Variants in COX8A observed in about 807,000 individuals in gnomAD.
COX8A encodes the protein cytochrome c oxidase subunit 8A.
Under a neutral mutation model 4.4 loss-of-function variants are expected in COX8A, and 6 were observed. That is an observed-to-expected ratio of 1.36 (90% confidence interval 0.74 to 2.68). The LOEUF (loss-of-function observed/expected upper bound fraction) is 2.68. Among genes scored for constraint, COX8A ranks in the 30% most tolerant of loss-of-function variants. The probability of loss-of-function intolerance (pLI) is 0.00; values close to 1 mark genes in which losing one functional copy is unlikely to be tolerated. For missense variants in COX8A, 72 were observed against 89.6 expected (o/e 0.80, Z 0.79); for synonymous variants, 53 against 47.1 (o/e 1.12, Z -0.51).
intron 1 of COX8A, among the ~76,000 whole-genome samples, 156 bp from the exon 2 acceptor site, chr11:63,976,069 G>C (rs1942537487): frequency 6.6e-6 from 1 of 152,190 alleles, no homozygotes; most frequent in Non-Finnish European, 1.5e-5. Flanking sequence ...GCTCCGTGGA[G>C]CGTGGATTCC....
Position 63,974,621 on chromosome 11 carries a change from T to G in COX8A, c.-60T>G. The G allele has an allele frequency of 2.0e-6, 3 of 1,502,504 alleles. No homozygotes were observed. The highest frequency in any genetic ancestry group is 2.7e-6 in the Non-Finnish European group (3 of 1,101,464). The allele number at this position is 1,502,504 out of a possible 1,614,324, so 93.1% of individuals were successfully genotyped here. A position where few individuals can be genotyped will look rare whatever the true frequency, so the allele number is the denominator to read the frequency against. On this transcript the variant is annotated 5_prime_UTR_variant, in exon 1 of 2. Coordinates refer to ENST00000314133, the MANE Select transcript of COX8A (RefSeq NM_004074.3). ...CCAGAACTTCCGGCCAGCGCAGCCA[T>G]TTTGGCTTCCTGACCTTGGGCTACG...
At chr11:63,976,086 G>A (rs1565181104) in intron 1 of COX8A, 139 bp from the exon 2 acceptor site, 10 of 765,044 alleles carry the variant, frequency 1.3e-5, no homozygotes, top group East Asian at 1.2e-4. Context: ...TTCCTTTAAC[G>A]TGAGGATGCG....
In COX8A at chr11:63,974,718, C is replaced by T. The variant is rs1942523556; in HGVS notation, c.38C>T (p.Thr13Ile). 1 of 1,609,976 alleles carries T rather than the reference C, an allele frequency of 6.2e-7. No individual in the cohort carries two copies. The highest frequency in any genetic ancestry group is 8.5e-7 in the Non-Finnish European group (1 of 1,178,406). Residue 13 changes from threonine (T) to isoleucine (I), a missense_variant, in exon 1 of 2, where the codon ACA (threonine) becomes ATA (isoleucine). Thr to Ile is a moderately conservative substitution (Grantham distance 89). Transcript: ENST00000314133. Reference protein sequence around the residue: ...VLTPLLLRGLTGSARRLPVPR... With the variant: ...VLTPLLLRGLIGSARRLPVPR... ...ACGCCGCTGCTGCTGCGGGGCTTGA[C>T]AGGCTCGGCCCGGCGGCTCCCAGTG...
At chr11:63,975,983 T>G (rs970245428) in intron 1 of COX8A, among the ~76,000 whole-genome samples, 3 of 152,206 alleles carry the variant, frequency 2.0e-5, no homozygotes, top group Admixed American at 6.5e-5. Context: ...CTGTCTCTCC[T>G]TCCTCTCACT....
In COX8A at chr11:63,976,111, C is replaced by G. The variant is rs1590771889; in HGVS notation, c.115-114C>G. On this transcript the variant is annotated intron_variant, in intron 1 of 1. Coordinates refer to ENST00000314133, the MANE Select transcript of COX8A (RefSeq NM_004074.3). ...GTGAGGATGCGGGGCCTCCCACTTG[C>G]CTCTGAGTCCTGGCTCCCTGAGCGG... 12 of 951,130 alleles carry G rather than the reference C, an allele frequency of 1.3e-5. No individual in the cohort carries two copies. The East Asian group carries it at 2.9e-4, about 23-fold the overall frequency. The allele number at this position is 951,130 out of a possible 1,614,324, so 58.9% of individuals were successfully genotyped here.
At chr11:63,975,424 G>A (rs1942531820) in intron 1 of COX8A, among the ~76,000 whole-genome samples, 1 of 152,046 alleles carries the variant, frequency 6.6e-6, no homozygotes, top group African/African-American at 2.4e-5. Context: ...TGATCCGCCT[G>A]CCTCAACCTC....
chr11:63,974,716 G>C lies in COX8A; in HGVS notation c.36G>C (p.Leu12Phe). 8.7e-6 allele frequency: 14 copies of C among 1,610,058 alleles called. No homozygotes were observed. The highest frequency in any genetic ancestry group is 1.3e-5 in the African/African-American group (1 of 75,016). The change falls in exon 1 of 2, where the codon TTG (leucine) becomes TTC (phenylalanine). Residue 12 changes from leucine (L) to phenylalanine (F), a missense_variant. By Grantham distance (22) the Leu-to-Phe change is conservative (BLOSUM62 0). Coordinates refer to ENST00000314133, the MANE Select transcript of COX8A (RefSeq NM_004074.3). ...SVLTPLLLRG[L>F]TGSARRLPVP... ...TGACGCCGCTGCTGCTGCGGGGCTT[G>C]ACAGGCTCGGCCCGGCGGCTCCCAG...
chr11:63,976,114 C>T, intron 1 of COX8A, 111 bp from the exon 2 acceptor site: 1 of 1,003,826 alleles, frequency 1.0e-6, no homozygotes, highest in Non-Finnish European at 1.6e-6. Context: ...CCACTTGCCT[C>T]TGAGTCCTGG....
rs951789034 is a variant in COX8A at position 63,976,400 on chromosome 11, G to C, written c.*80G>C. The stretch of plus-strand genomic sequence containing the variant: ...TGGTCATGTTACTGCATTTGTGGCC[G>C]GCCTCCCCTGGATCATGTCATTCAA... On this transcript the variant is annotated 3_prime_UTR_variant, in exon 2 of 2. Coordinates refer to ENST00000314133, the MANE Select transcript of COX8A (RefSeq NM_004074.3). 9 of 1,276,074 alleles carry C rather than the reference G, an allele frequency of 7.1e-6. No individual in the cohort carries two copies. The highest frequency in any genetic ancestry group is 5.9e-5 in the African/African-American group (4 of 68,240). The allele number at this position is 1,276,074 out of a possible 1,614,324, so 79.0% of individuals were successfully genotyped here.
chr11:63,976,121 C>A, intron 1 of COX8A, 104 bp from the exon 2 acceptor site: 3 of 1,091,524 alleles, frequency 2.7e-6, no homozygotes, highest in Middle Eastern at 2.0e-4. Flanking sequence ...CCTCTGAGTC[C>A]TGGCTCCCTG....
At chr11:63,975,619 A>G (rs1399701430) in intron 1 of COX8A, among the ~76,000 whole-genome samples, 1 of 151,904 alleles carries the variant, frequency 6.6e-6, no homozygotes, top group East Asian at 1.9e-4. Flanking sequence ...TCTGTCACCC[A>G]GGCTGGAGTG....
Position 63,974,787 on chromosome 11 carries a change from G to A in COX8A, c.107G>A (p.Gly36Glu), listed in dbSNP as rs148768920. ...IHSLPPEGKL[G>E]IMELAVGLTS... ...TCGTTGCCGCCGGAGGGGAAGCTTG[G>A]GATCATGGTGAGGAACGGGCCTGGA... Residue 36 changes from glycine (G) to glutamate (E), a missense_variant, in exon 1 of 2, where the codon GGG (glycine) becomes GAG (glutamate). By Grantham distance (98) the Gly-to-Glu change is moderately conservative. Transcript: ENST00000314133. 11 of 1,603,174 alleles carry A rather than the reference G, an allele frequency of 6.9e-6. No individual in the cohort carries two copies. The African/African-American group carries it at 1.3e-4, about 19-fold the overall frequency.
Position 63,976,456 on chromosome 11 carries a change from C to T in COX8A, c.*136C>T, listed in dbSNP as rs998351928. ...GTCACCTCTTCTGCAATCATGACCT[C>T]TTGATGTCTCCATGGTGACCTCCTT... is the stretch of plus-strand genomic sequence containing the variant. On this transcript the variant is annotated 3_prime_UTR_variant, in exon 2 of 2. Coordinates refer to ENST00000314133, the MANE Select transcript of COX8A (RefSeq NM_004074.3). 1.3e-6 allele frequency: 1 copy of T among 773,516 alleles called. No homozygotes were observed. The highest frequency in any genetic ancestry group is 2.2e-6 in the Non-Finnish European group (1 of 460,288). The allele number at this position is 773,516 out of a possible 1,614,324, so 47.9% of individuals were successfully genotyped here. A position where few individuals can be genotyped will look rare whatever the true frequency, so the allele number is the denominator to read the frequency against.
At chr11:63,974,877 G>A in intron 1 of COX8A, 83 bp downstream of exon 1, 2 of 1,238,970 alleles carry the variant, frequency 1.6e-6, no homozygotes, top group Non-Finnish European at 2.2e-6. Context: ...TCCTGAGAAT[G>A]CCTCGCGCCC....
intron 1 of COX8A, 81 bp downstream of exon 1, chr11:63,974,875 A>C: frequency 5.6e-6 from 7 of 1,240,114 alleles, no homozygotes; most frequent in Non-Finnish European, 7.7e-6. Flanking sequence ...GGTCCTGAGA[A>C]TGCCTCGCGC....
Position 63,974,628 on chromosome 11 carries a change from T to C in COX8A, c.-53T>C. 1 of 1,537,220 alleles carries C rather than the reference T, an allele frequency of 6.5e-7. No homozygotes were observed. On this transcript the variant is annotated 5_prime_UTR_variant, in exon 1 of 2. Coordinates refer to ENST00000314133, the MANE Select transcript of COX8A (RefSeq NM_004074.3). ...TTCCGGCCAGCGCAGCCATTTTGGCTTCCTGACCTTGGGCTACGGCTGACC... is the reference window on the plus strand; with the variant it reads ...TTCCGGCCAGCGCAGCCATTTTGGCCTCCTGACCTTGGGCTACGGCTGACC...
At chr11:63,975,326 G>T (rs1288706243) in intron 1 of COX8A, among the ~76,000 whole-genome samples, 2 of 151,246 alleles carry the variant, frequency 1.3e-5, no homozygotes, top group Admixed American at 1.3e-4. Flanking sequence ...CTACAGGCGC[G>T]TGCCACCATG....
In COX8A at chr11:63,976,484, G is replaced by A; in HGVS notation, c.*164G>A. On this transcript the variant is annotated 3_prime_UTR_variant, in exon 2 of 2. Transcript: ENST00000314133. ...GATGTCTCCATGGTGACCTCCTTGG[G>A]GGTCACTGACCCTGCTTGGTGGGGT... 1.6e-6 allele frequency: 1 copy of A among 638,660 alleles called. No homozygotes were observed. Among genetic ancestry groups the A allele is most frequent in the Non-Finnish European group, 2.8e-6 (1 of 363,578 alleles). The allele number at this position is 638,660 out of a possible 1,614,324, so 39.6% of individuals were successfully genotyped here.
chr11:63,974,945 C>T (rs970295438), intron 1 of COX8A, 151 bp downstream of exon 1: 2 of 692,182 alleles, frequency 2.9e-6, no homozygotes, highest in African/African-American at 1.9e-5. Context: ...GCGCGAACGA[C>T]GGGGACAGTG....
Sources: allele counts gnomAD v4.1 joint callset (sites outside exome capture counted in the v4.1 genomes callset), GRCh38; gene constraint gnomAD v4.1.1; transcripts MANE v1.5; gene names NCBI Gene and HGNC (gene_info 2026-07-23, HGNC 2026-07-21).